The following ELFN2 variants were observed in gnomAD, a reference collection of about 807,000 sequenced individuals.
ELFN2 encodes protein phosphatase 1 regulatory subunit 29.
In ELFN2, 17 loss-of-function variants were observed where a neutral mutation model predicts 45.5. The observed-to-expected ratio is 0.37, with a 90% confidence interval of 0.26 to 0.56. The LOEUF is 0.56. Among genes scored for constraint, ELFN2 ranks in the 20% least tolerant of loss-of-function variants. ELFN2 has a pLI of 0.77. For synonymous variants in ELFN2, 550 were observed against 551.5 expected (o/e 1.00, Z 0.04); for missense variants, 922 against 1,183.2 (o/e 0.78, Z 3.24).
rs1256936990 is a variant in ELFN2, at chr22:37,374,436, T to C, written c.1099A>G (p.Ser367Gly). The change falls in exon 3 of 3, where the codon AGC becomes GGC. Residue 367 changes from serine to glycine, a missense_variant. By Grantham distance (56) the Ser-to-Gly change is moderately conservative. Coordinates refer to ENST00000402918, the MANE Select transcript of ELFN2 (RefSeq NM_052906.5). ...YTFCVTSLRN[S>G]RRFNHTCLTF... Reference sequence around the variant, plus strand: ...AGGCAGGTGTGGTTGAAGCGGCGGCTGTTGCGCAGCGAGGTCACGCAGAAG... The same window carrying C: ...AGGCAGGTGTGGTTGAAGCGGCGGCCGTTGCGCAGCGAGGTCACGCAGAAG... The C allele has an allele frequency of 6.2e-7, 1 of 1,614,024 alleles. No individual in the cohort carries two copies. The highest frequency in any genetic ancestry group is 1.7e-5 in the Admixed American group (1 of 60,030).
intron 2 of ELFN2, among the ~76,000 whole-genome samples, chr22:37,399,644 TCTCCCACCTCCACCGACCAC>T (rs1932312895): frequency 6.8e-6 from 1 of 146,816 alleles, no homozygotes; most frequent in South Asian, 2.2e-4. Flanking sequence ...CCAGCCCACC[TCTCCCACCTCCACCGACCAC>T]GGGGACCATC....
intron 2 of ELFN2, among the ~76,000 whole-genome samples, chr22:37,401,009 A>G (rs1041185869): frequency 6.6e-6 from 1 of 152,222 alleles, no homozygotes; most frequent in Admixed American, 6.5e-5. Flanking sequence ...GGGACTGGCA[A>G]TGACCTCAAC....
chr22:37,361,958 G>A (rs1022575054), intron 1 of ELFN2, among the ~76,000 whole-genome samples: 3 of 152,118 alleles, frequency 2.0e-5, no homozygotes, highest in South Asian at 4.1e-4. Context: ...GCCACCCCAC[G>A]CATTCAAGCC....
chr22:37,394,361 C>T (rs762092563), intron 2 of ELFN2, among the ~76,000 whole-genome samples: 8 of 152,166 alleles, frequency 5.3e-5, no homozygotes, highest in Non-Finnish European at 1.2e-4. Context: ...ATGGACTCAC[C>T]GAGGCCTCTT....
chr22:37,427,143 C>G (rs921427472), intron 1 of ELFN2, 155 bp downstream of exon 1: 2 of 152,164 alleles, frequency 1.3e-5, no homozygotes, highest in Non-Finnish European at 2.9e-5. Flanking sequence ...CCAGGAGACA[C>G]TGGGGGTGGC....
intron 2 of ELFN2, among the ~76,000 whole-genome samples, chr22:37,386,943 C>T (rs1422439586): frequency 6.6e-6 from 1 of 152,268 alleles, no homozygotes; most frequent in Non-Finnish European, 1.5e-5. Flanking sequence ...ACAAGAAGGG[C>T]ACCAGCTCAG....
chr22:37,353,993 C>T (rs1026216620), intron 1 of ELFN2: 2 of 152,198 alleles, frequency 1.3e-5, no homozygotes, highest in African/African-American at 4.8e-5. Context: ...CATCATCTTG[C>T]CAAACGGGAA....
In ELFN2 at chr22:37,355,636, C is replaced by T. The variant is rs186317083; in HGVS notation, n.149-12933G>A. On this transcript the variant is annotated intron_variant and non_coding_transcript_variant, in intron 1 of 2. Transcript: ENST00000452946. ...TCCCAAGTGTTGCCAGGAGCCCCAG[C>T]AGACATCTTCTACACTCAAGTATCA... 2.9e-3 allele frequency among the ~76,000 whole-genome samples: 438 copies of T among 152,342 alleles called. 3 individuals are homozygous for T. The highest frequency in any genetic ancestry group is 4.7e-3 in the Non-Finnish European group (321 of 68,032).
chr22:37,399,346 G>A (rs1932302434), intron 2 of ELFN2, among the ~76,000 whole-genome samples: 2 of 152,120 alleles, frequency 1.3e-5, no homozygotes, highest in African/African-American at 2.4e-5. Flanking sequence ...CTTCCTGAGG[G>A]CAGGGACTCT....
At position 37,375,314 on chromosome 22, in the gene ELFN2, G is replaced by A. The variant is rs772047593; in HGVS notation, c.221C>T (p.Ser74Leu). The A allele has an allele frequency of 3.7e-6, 6 of 1,614,140 alleles. No homozygotes were observed. Among genetic ancestry groups the A allele is most frequent in the Admixed American group, 1.7e-5 (1 of 60,010 alleles). Residue 74 changes from serine (S) to leucine (L), a missense_variant, in exon 3 of 3, where the codon TCG becomes TTG. Ser to Leu is a moderately radical substitution (Grantham distance 145). Coordinates refer to ENST00000402918, the MANE Select transcript of ELFN2 (RefSeq NM_052906.5). ...GGTGAGGTTCCCAAAGCGGTTGAGC[G>A]AGGAGTAGAGCACGGCTTTGAGCTT... ...ENKLKAVLYS[S>L]LNRFGNLTDL...
At chr22:37,401,021 G>A (rs1042959704) in intron 2 of ELFN2, among the ~76,000 whole-genome samples, 3 of 152,266 alleles carry the variant, frequency 2.0e-5, no homozygotes, top group Admixed American at 1.3e-4. Context: ...GACCTCAACA[G>A]ACATGGCACT....
Position 37,373,269 on chromosome 22 carries a change from A to C in ELFN2, c.2266T>G (p.Ser756Ala). The C allele has an allele frequency of 6.2e-7, 1 of 1,613,656 alleles. No homozygotes were observed. The highest frequency in any genetic ancestry group is 8.5e-7 in the Non-Finnish European group (1 of 1,179,882). ...TCGGATGAGTACTCGGGGCTGGAGG[A>C]GTACCCTGAGTAGTAGTGTCTGGGG... ...LSPRHYYSGY[S>A]SSPEYSSEST... Residue 756 changes from serine (S) to alanine (A), a missense_variant, in exon 3 of 3, where the codon TCC becomes GCC. By Grantham distance (99) the Ser-to-Ala change is moderately conservative. Coordinates refer to ENST00000402918, the MANE Select transcript of ELFN2 (RefSeq NM_052906.5).
At chr22:37,425,785 A>T (rs1207043595) in intron 1 of ELFN2, among the ~76,000 whole-genome samples, 1 of 151,820 alleles carries the variant, frequency 6.6e-6, no homozygotes, top group Non-Finnish European at 1.5e-5. Flanking sequence ...ACATGCCCAC[A>T]TGCTTTGCTG....
intron 2 of ELFN2, among the ~76,000 whole-genome samples, chr22:37,391,837 C>T (rs1932093820): frequency 6.6e-6 from 1 of 152,178 alleles, no homozygotes; most frequent in Non-Finnish European, 1.5e-5. Context: ...AGGGCCTTCC[C>T]AGGCAGTGCG....
Position 37,372,974 on chromosome 22 carries a change from T to TGGCCCCC in ELFN2, c.*91_*97dup. 7.2e-7 allele frequency: 1 copy of TGGCCCCC among 1,396,874 alleles called. No homozygotes were observed. Among genetic ancestry groups the TGGCCCCC allele is most frequent in the Non-Finnish European group, 9.5e-7 (1 of 1,050,920 alleles). 86.5% of individuals were successfully genotyped at this position (1,396,874 alleles called of 1,614,324 possible). The stretch of plus-strand genomic sequence containing the variant: ...TGCATGTGCGTCCTCTCCTGGGCCT[T>TGGCCCCC]GGCCCCCGAGTCTGCTCCCCGCCCT... On this transcript the variant is annotated 3_prime_UTR_variant, in exon 3 of 3. Coordinates refer to ENST00000402918, the MANE Select transcript of ELFN2 (RefSeq NM_052906.5). The surrounding 1 kb of genome is among the most constrained non-coding windows in gnomAD (Gnocchi z 4.4).
intron 2 of ELFN2, among the ~76,000 whole-genome samples, chr22:37,379,226 C>T (rs765265202): frequency 7.2e-5 from 11 of 152,146 alleles, no homozygotes; most frequent in Admixed American, 1.3e-4. Context: ...GCAGGGGACA[C>T]GGGCACCTGC....
intron 2 of ELFN2, chr22:37,385,309 T>C (rs1193480036): frequency 6.6e-6 from 1 of 152,264 alleles, no homozygotes; most frequent in Non-Finnish European, 1.5e-5. Flanking sequence ...ATGAGGAAAC[T>C]GAGGCCTCAC....
chr22:37,424,538 G>A (rs1026204376), intron 1 of ELFN2, among the ~76,000 whole-genome samples: 4 of 78 alleles, frequency 0.051, no homozygotes, highest in Non-Finnish European at 0.091. Flanking sequence ...CTCTCCTCCA[G>A]CCAGAGACTC....
intron 2 of ELFN2, among the ~76,000 whole-genome samples, chr22:37,415,911 A>G (rs1366910459): frequency 2.6e-5 from 4 of 152,184 alleles, no homozygotes; most frequent in African/African-American, 9.7e-5. Flanking sequence ...TGCAGTGAGC[A>G]GAGATAGTGC....
Sources: allele counts gnomAD v4.1 joint callset (sites outside exome capture counted in the v4.1 genomes callset), GRCh38; gene constraint gnomAD v4.1.1; non-coding constraint Gnocchi (gnomAD v3.1); transcripts MANE v1.5; gene names NCBI Gene and HGNC (gene_info 2026-07-23, HGNC 2026-07-21).